POP1: variants seen among roughly 807,000 people sequenced by gnomAD.
The protein encoded by POP1 is POP1 ribonuclease P/MRP subunit, also known as ribonucleases P/MRP protein subunit POP1.
POP1 carries 75 observed loss-of-function variants against 102.2 expected under a neutral mutation model. The observed-to-expected ratio is 0.73, with a 90% CI of 0.61 to 0.89. The LOEUF (loss-of-function observed/expected upper bound fraction) is 0.89. POP1 is among the 40% of genes least tolerant of loss of function. The pLI is 0.00. For synonymous variants in POP1, 436 were observed against 464.1 expected (o/e 0.94, Z 0.78); for missense variants, 1,116 against 1,267.4 (o/e 0.88, Z 1.81).
At chr8:98,156,601 A>G (rs906872610) in intron 15 of POP1, among the ~76,000 whole-genome samples, 189 bp downstream of exon 15, 1 of 152,230 alleles carries the variant, frequency 6.6e-6, no homozygotes, top group South Asian at 2.1e-4. Context: ...TATTTGATGT[A>G]AGGCATGATG....
chr8:98,148,647 A>G (rs767083424), intron 12 of POP1, among the ~76,000 whole-genome samples, 168 bp from the exon 13 acceptor site: 5 of 152,260 alleles, frequency 3.3e-5, no homozygotes, highest in Non-Finnish European at 5.9e-5. Flanking sequence ...AAATATCTGT[A>G]GGAGGAATAC....
chr8:98,138,837 G>A (rs1485763662), intron 9 of POP1, among the ~76,000 whole-genome samples: 1 of 145,430 alleles, frequency 6.9e-6, no homozygotes, highest in Non-Finnish European at 1.5e-5. Flanking sequence ...TGGTACCTTT[G>A]TTATGATTGC....
chr8:98,156,560 T>TCTAATGGGTTGCTGCTCTAACACAAATC, intron 15 of POP1, 148 bp downstream of exon 15: 1 of 955,874 alleles, frequency 1.0e-6, no homozygotes, highest in Non-Finnish European at 1.5e-6. Flanking sequence ...CTTTTATATT[T>TCTAATGGGTTGCTGCTCTAACACAAATC]CATAGAGGGC....
At chr8:98,148,460 TCA>T (rs1809417902) in intron 12 of POP1, among the ~76,000 whole-genome samples, 1 of 152,228 alleles carries the variant, frequency 6.6e-6, no homozygotes, top group African/African-American at 2.4e-5. Context: ...TGAGAAGGTG[TCA>T]CTTAATTGTT....
At chr8:98,129,831 G>T in intron 4 of POP1, 147 bp from the exon 5 acceptor site, 1 of 928,024 alleles carries the variant, frequency 1.1e-6, no homozygotes, top group Non-Finnish European at 1.6e-6. Flanking sequence ...TACTTACATT[G>T]AAGAAACTAA....
chr8:98,158,307 C>G lies in POP1; in HGVS notation c.*36C>G, dbSNP rs767646138. 3.8e-6 allele frequency: 6 copies of G among 1,596,504 alleles called. No homozygotes were observed. Among genetic ancestry groups the G allele is most frequent in the Non-Finnish European group, 5.1e-6 (6 of 1,176,212 alleles). ...GTATCCCAGCAGGGCATAGATAATACGTTATTATTGTCTGCCAAGTTCTAC... is the reference window on the plus strand; with the variant it reads ...GTATCCCAGCAGGGCATAGATAATAGGTTATTATTGTCTGCCAAGTTCTAC... On this transcript the variant is annotated 3_prime_UTR_variant, in exon 16 of 16. Coordinates refer to ENST00000401707, the MANE Select transcript of POP1 (RefSeq NM_001145860.2).
chr8:98,134,508 A>T lies in POP1; in HGVS notation c.860A>T (p.Lys287Met). The T allele has an allele frequency of 6.2e-7, 1 of 1,614,182 alleles. No homozygotes were observed. Among genetic ancestry groups the T allele is most frequent in the Non-Finnish European group, 8.5e-7 (1 of 1,180,024 alleles). The change falls in exon 7 of 16, where the codon AAG (lysine) becomes ATG (methionine). Residue 287 changes from lysine (K) to methionine (M), a missense_variant. Lys to Met is a moderately conservative substitution (Grantham distance 95, BLOSUM62 -1). Transcript: ENST00000401707. ...GCAGCAGTTCACTGCTTGTCTGGAA[A>T]GCGCCAAGGGAGCCTTGTGCTTTAT... Reference protein sequence around the residue: ...TFAAVHCLSGKRQGSLVLYRV... With the variant: ...TFAAVHCLSGMRQGSLVLYRV...
Position 98,125,558 on chromosome 8 carries a change from G to A in POP1, c.143-2037G>A, listed in dbSNP as rs572838025. 1.8e-4 allele frequency among the ~76,000 whole-genome samples: 27 copies of A among 148,314 alleles called. No individual in the cohort carries two copies. The South Asian group carries it at 2.5e-3, about 14-fold the overall frequency. ...TGTATGGAAATGTTGCCTTTTTTTTGGAGATGGAGTCTTGCTCTGTTGCCT... is the reference window on the plus strand; with the variant it reads ...TGTATGGAAATGTTGCCTTTTTTTTAGAGATGGAGTCTTGCTCTGTTGCCT... On this transcript the variant is annotated intron_variant, in intron 2 of 15. Transcript: ENST00000401707.
intron 7 of POP1, among the ~76,000 whole-genome samples, chr8:98,136,248 G>A (rs187191419): frequency 4.6e-5 from 7 of 151,602 alleles, no homozygotes; most frequent in Admixed American, 2.6e-4. Flanking sequence ...ACTATTTTTT[G>A]TATTTTTCAG....
At chr8:98,118,700 A>G (rs1400903996) in intron 1 of POP1, among the ~76,000 whole-genome samples, 1 of 152,200 alleles carries the variant, frequency 6.6e-6, no homozygotes, top group Admixed American at 6.5e-5. Context: ...TGCAGGGATT[A>G]CAGGTGTAAC....
chr8:98,155,605 G>A lies in POP1; in HGVS notation c.2058-445G>A, dbSNP rs144227821. Among the ~76,000 whole-genome samples, 1,215 of 150,550 alleles carry A rather than the reference G, an allele frequency of 8.1e-3. 8 individuals are homozygous for A. The highest frequency in any genetic ancestry group is 0.011 in the Non-Finnish European group (778 of 67,768). On this transcript the variant is annotated intron_variant, in intron 14 of 15. Transcript: ENST00000401707. ...GCCTATTATTATTATTTTCTGAGAC[G>A]GAGTCTCACTCTGTTGCCCAGGCTG... is the stretch of plus-strand genomic sequence containing the variant.
chr8:98,127,270 A>G (rs1816231790), intron 2 of POP1, among the ~76,000 whole-genome samples: 1 of 152,174 alleles, frequency 6.6e-6, no homozygotes, highest in South Asian at 2.1e-4. Flanking sequence ...ATAAGCATTC[A>G]GACCATAGCA....
At chr8:98,125,938 T>G (rs921511312) in intron 2 of POP1, among the ~76,000 whole-genome samples, 3 of 152,040 alleles carry the variant, frequency 2.0e-5, no homozygotes, top group Non-Finnish European at 2.9e-5. Context: ...CTTGACCTCC[T>G]GGGCTCAGGT....
At chr8:98,144,707 G>A (rs1563781122) in intron 11 of POP1, among the ~76,000 whole-genome samples, 2 of 152,114 alleles carry the variant, frequency 1.3e-5, no homozygotes, top group Admixed American at 6.5e-5. Flanking sequence ...CCCGAAATCC[G>A]TGGCAGTGCT....
rs148333121 is a variant in POP1, at chr8:98,144,274, A to G, written c.1595-2294A>G. Among the ~76,000 whole-genome samples the G allele has an allele frequency of 6.3e-3, 955 of 151,992 alleles. 8 individuals are homozygous for G. The highest frequency in any genetic ancestry group is 0.022 in the African/African-American group (906 of 41,458). On this transcript the variant is annotated intron_variant, in intron 11 of 15. Transcript: ENST00000401707. ...TACTTTGTTTTATCTATTATTATTA[A>G]TATTATTTTATTTATTTTTGAGACA...
intron 5 of POP1, among the ~76,000 whole-genome samples, chr8:98,130,822 T>C (rs1236789658): frequency 6.6e-6 from 1 of 152,206 alleles, no homozygotes; most frequent in Non-Finnish European, 1.5e-5. Context: ...TATGGGTCAG[T>C]GGGATGCTGG....
At chr8:98,131,323 A>G (rs537106067) in intron 5 of POP1, among the ~76,000 whole-genome samples, 1 of 152,310 alleles carries the variant, frequency 6.6e-6, no homozygotes, top group East Asian at 1.9e-4. Context: ...TTGATCCTAT[A>G]GGTGCTTCAT....
At chr8:98,136,064 G>GA (rs1218247592) in intron 7 of POP1, among the ~76,000 whole-genome samples, 1 of 102,122 alleles carries the variant, frequency 9.8e-6, no homozygotes, top group Non-Finnish European at 2.0e-5. Flanking sequence ...ATACAAATGT[G>GA]ATTTTTTTTT....
chr8:98,143,873 G>T (rs1315544075), intron 11 of POP1, among the ~76,000 whole-genome samples: 1 of 152,128 alleles, frequency 6.6e-6, no homozygotes, highest in Admixed American at 6.5e-5. Flanking sequence ...CTCTATGTAG[G>T]CCAGGCATGG....
Sources: gnomAD v4.1 joint callset for allele counts (sites outside exome capture counted in the v4.1 genomes callset) on GRCh38, gnomAD v4.1.1 for gene constraint, MANE v1.5 for transcripts, NCBI Gene and HGNC (gene_info 2026-07-23, HGNC 2026-07-21) for gene names.